The following USH2A variants were observed in gnomAD, a reference collection of about 807,000 sequenced individuals.
The protein encoded by USH2A is usherin, also known as Usher syndrome 2A (autosomal recessive, mild).
A neutral mutation model predicts 538.9 loss-of-function variants in USH2A; 443 were observed. The observed-to-expected ratio is 0.82, with a 90% CI of 0.76 to 0.89. The LOEUF (loss-of-function observed/expected upper bound fraction) is 0.89, where lower values mean the gene tolerates loss of function less well. Ranked by LOEUF, USH2A falls within the 40% of genes least tolerant of loss-of-function variation. The pLI is 0.00. For synonymous variants in USH2A, 2,413 were observed against 2,273.5 expected, an observed-to-expected ratio of 1.06 and a Z score of -1.75; for missense variants, 6,633 against 6,324.8, an observed-to-expected ratio of 1.05 and a Z score of -1.65.
intron 20 of USH2A, among the ~76,000 whole-genome samples, chr1:216,187,174 C>T (rs538376733): frequency 6.6e-6 from 1 of 151,862 alleles, no homozygotes; most frequent in African/African-American, 2.4e-5. Flanking sequence ...TCTCCCAAAT[C>T]AAAATCATTT....
Position 216,175,382 on chromosome 1 carries a change from T to G in USH2A, c.4497A>C (p.Ile1499=), listed in dbSNP as rs973137205. ...PPEELNGPSP[I]YQLERRESSL... is the part of the protein sequence containing the mutation. Reference sequence around the variant, plus strand: ...ATGACTCTCTCCTTTCCAGCTGATATATAGGAGAGGGTCCATTCAGTTCTT... The same window carrying G: ...ATGACTCTCTCCTTTCCAGCTGATAGATAGGAGAGGGTCCATTCAGTTCTT... The change falls in exon 21 of 72, where the codon ATA becomes ATC. Residue 1499 remains isoleucine, a synonymous_variant. Transcript: ENST00000307340. The G allele has an allele frequency of 6.2e-7, 1 of 1,613,670 alleles. No homozygotes were observed. Among genetic ancestry groups the G allele is most frequent in the Admixed American group, 1.7e-5 (1 of 59,956 alleles).
intron 11 of USH2A, among the ~76,000 whole-genome samples, chr1:216,274,816 G>A (rs1048931800): frequency 3.9e-5 from 6 of 152,080 alleles, no homozygotes; most frequent in Admixed American, 3.3e-4. Context: ...CCTGTCATTT[G>A]TCAGGCTGGT....
chr1:216,064,564 G>A (rs1188617220), intron 30 of USH2A, among the ~76,000 whole-genome samples: 1 of 151,776 alleles, frequency 6.6e-6, no homozygotes, highest in Non-Finnish European at 1.5e-5. Flanking sequence ...AAGGATGTTA[G>A]CCAAGTTGCT....
chr1:216,314,706 G>T (rs1030126436), intron 9 of USH2A, among the ~76,000 whole-genome samples: 1 of 152,070 alleles, frequency 6.6e-6, no homozygotes, highest in Admixed American at 6.6e-5. Context: ...TTTCAAGCTG[G>T]CTGTGCTATT....
chr1:215,863,547 T>C (rs1267289180), intron 44 of USH2A, among the ~76,000 whole-genome samples: 1 of 152,168 alleles, frequency 6.6e-6, no homozygotes, highest in Non-Finnish European at 1.5e-5. Context: ...GCCCTCTTAA[T>C]GATGATACCC....
At chr1:216,358,090 G>A (rs561478830) in intron 4 of USH2A, among the ~76,000 whole-genome samples, 1 of 152,210 alleles carries the variant, frequency 6.6e-6, no homozygotes, top group Non-Finnish European at 1.5e-5. Context: ...CTTTTCCAGG[G>A]AAAGCAAAGA....
intron 13 of USH2A, among the ~76,000 whole-genome samples, chr1:216,241,117 ATC>A (rs2035928347): frequency 6.6e-6 from 1 of 152,216 alleles, no homozygotes; most frequent in Admixed American, 6.5e-5. Flanking sequence ...TAATAAAGAA[ATC>A]TCTGAATACT....
Position 215,674,223 on chromosome 1 carries a change from A to G in USH2A, c.13688T>C (p.Ile4563Thr), listed in dbSNP as rs779545505. ...TTCACGGATGAAGAGGGTATAATTG[A>G]TGATATCACCATTTGTTCTCACTGG... Reference protein sequence around the residue: ...DPPVRTNGDIINYTLFIRELF... With the variant: ...DPPVRTNGDITNYTLFIRELF... The change falls in exon 63 of 72, where the codon ATC (isoleucine) becomes ACC (threonine). Residue 4563 changes from isoleucine (I) to threonine (T), a missense_variant. Coordinates refer to ENST00000307340, the MANE Select transcript of USH2A (RefSeq NM_206933.4). The G allele has an allele frequency of 3.9e-5, 63 of 1,614,046 alleles. No individual in the cohort carries two copies. Among genetic ancestry groups the G allele is most frequent in the Non-Finnish European group, 5.2e-5 (61 of 1,180,028 alleles).
intron 9 of USH2A, among the ~76,000 whole-genome samples, chr1:216,308,886 G>A (rs959826595): frequency 1.3e-5 from 2 of 152,146 alleles, no homozygotes; most frequent in African/African-American, 4.8e-5. Context: ...AAGTGTGCTT[G>A]TTTTTTGAGT....
chr1:216,151,416 G>A (rs1297957784), intron 21 of USH2A, among the ~76,000 whole-genome samples: 1 of 152,034 alleles, frequency 6.6e-6, no homozygotes. Flanking sequence ...GGACCGAAGA[G>A]CTCCCTGTTC....
intron 11 of USH2A, among the ~76,000 whole-genome samples, chr1:216,277,836 C>T (rs2036699849): frequency 6.6e-6 from 1 of 152,020 alleles, no homozygotes. Context: ...CTTTTCCTTC[C>T]CTAGTTAAAG....
chr1:215,626,264 CATATATATACTAT>C (rs1358206761), intron 71 of USH2A, among the ~76,000 whole-genome samples: 1 of 149,076 alleles, frequency 6.7e-6, no homozygotes, highest in Non-Finnish European at 1.5e-5. Flanking sequence ...ATAGACACTA[CATATATATACTAT>C]ATATTTTAGT....
chr1:215,643,457 C>G (rs2102638666), intron 67 of USH2A, among the ~76,000 whole-genome samples: 1 of 152,190 alleles, frequency 6.6e-6, no homozygotes, highest in South Asian at 2.1e-4. Flanking sequence ...AAGGGAACCT[C>G]TTCTCCTATG....
At chr1:216,317,895 T>C (rs1317931208) in intron 9 of USH2A, among the ~76,000 whole-genome samples, 1 of 151,960 alleles carries the variant, frequency 6.6e-6, no homozygotes, top group East Asian at 1.9e-4. Context: ...TAAATAAATA[T>C]TTTAAAGTGA....
intron 61 of USH2A, among the ~76,000 whole-genome samples, chr1:215,687,951 G>A (rs998801383): frequency 7.9e-5 from 12 of 152,214 alleles, no homozygotes; most frequent in Middle Eastern, 3.4e-3. Flanking sequence ...GGACAAATGG[G>A]CAATATATAA....
intron 38 of USH2A, among the ~76,000 whole-genome samples, chr1:215,906,428 A>G (rs1665642083): frequency 6.6e-6 from 1 of 152,068 alleles, no homozygotes. Context: ...GAACTGATGT[A>G]ACTGGCACAC....
intron 9 of USH2A, among the ~76,000 whole-genome samples, chr1:216,317,635 G>T (rs2037533410): frequency 6.6e-6 from 1 of 151,814 alleles, no homozygotes; most frequent in Non-Finnish European, 1.5e-5. Flanking sequence ...AGCACTTGAG[G>T]TCAGGAGTTC....
chr1:216,018,436 C>T (rs1410753172), intron 32 of USH2A, among the ~76,000 whole-genome samples: 1 of 152,162 alleles, frequency 6.6e-6, no homozygotes, highest in Non-Finnish European at 1.5e-5. Context: ...CAGCTACTGC[C>T]CATCTGAACC....
intron 37 of USH2A, among the ~76,000 whole-genome samples, chr1:215,959,029 T>C (rs1261269797): frequency 6.6e-6 from 1 of 152,142 alleles, no homozygotes; most frequent in African/African-American, 2.4e-5. Context: ...GACTTCTGAC[T>C]CACCACCCGG....
Sources: gnomAD v4.1 joint callset for allele counts (sites outside exome capture counted in the v4.1 genomes callset) on GRCh38, gnomAD v4.1.1 for gene constraint, MANE v1.5 for transcripts, NCBI Gene and HGNC (gene_info 2026-07-23, HGNC 2026-07-21) for gene names.